The following SCAF11 variants were observed in gnomAD, a reference collection of about 807,000 sequenced individuals.
The protein encoded by SCAF11 is SR-related CTD associated factor 11.
In SCAF11, 47 loss-of-function variants were observed where a neutral mutation model predicts 140.5. The observed-to-expected ratio is 0.33, with a 90% CI of 0.26 to 0.43. SCAF11 has a LOEUF of 0.43. Ranked by LOEUF, SCAF11 falls within the 20% of genes least tolerant of loss-of-function variation. SCAF11 has a pLI of 1.00. For synonymous variants in SCAF11, 557 were observed against 579.4 expected, an observed-to-expected ratio of 0.96 and a Z score of 0.55; for missense variants, 1,645 against 1,705.1, an observed-to-expected ratio of 0.96 and a Z score of 0.62.
intron 6 of SCAF11, among the ~76,000 whole-genome samples, chr12:45,941,151 A>AC (rs1945291075): frequency 6.6e-6 from 1 of 152,230 alleles, no homozygotes; most frequent in South Asian, 2.1e-4. Context: ...CAAACTGTTC[A>AC]CCATTAAAAT....
chr12:45,951,831 G>A (rs961467798), intron 3 of SCAF11, 104 bp from the exon 4 acceptor site: 5 of 708,940 alleles, frequency 7.1e-6, no homozygotes, highest in Non-Finnish European at 1.1e-5. Context: ...CTCTATCTTC[G>A]AAAGAAAAAA....
At position 45,921,844 on chromosome 12, in the gene SCAF11, G is replaced by C; in HGVS notation, c.*204C>G. 2 of 539,626 alleles carry C rather than the reference G, an allele frequency of 3.7e-6. No individual in the cohort carries two copies. Among genetic ancestry groups the C allele is most frequent in the Non-Finnish European group, 6.4e-6 (2 of 312,804 alleles). 33.4% of individuals were successfully genotyped at this position (539,626 alleles called of 1,614,324 possible). A position where few individuals can be genotyped will look rare whatever the true frequency, so the allele number is the denominator to read the frequency against. On this transcript the variant is annotated 3_prime_UTR_variant, in exon 15 of 15. Transcript: ENST00000369367. The stretch of plus-strand genomic sequence containing the variant: ...CTTTACTTTCCCTTGAATTTTGTGG[G>C]GGAGGGTGGAGGGGAAGGAAGGATA...
intron 10 of SCAF11, chr12:45,931,025 G>C (rs747411137): frequency 1.3e-5 from 2 of 152,100 alleles, no homozygotes; most frequent in Non-Finnish European, 2.9e-5. Flanking sequence ...TTGATCTTTA[G>C]AACTTATTCT....
At chr12:45,967,321 A>G (rs1474717766) in intron 1 of SCAF11, among the ~76,000 whole-genome samples, 2 of 152,214 alleles carry the variant, frequency 1.3e-5, no homozygotes. Context: ...AGAAACCTCA[A>G]TCAAGTTACA....
Position 45,924,208 on chromosome 12 carries a change from A to C in SCAF11, c.3906+520T>G, listed in dbSNP as rs147594863. On this transcript the variant is annotated intron_variant, in intron 12 of 14. Transcript: ENST00000369367. ...CAACAAATTGTTTGCAAATTATTCA[A>C]ATTTTCTATGTCTCACAGAGGCACT... is the stretch of plus-strand genomic sequence containing the variant. Among the ~76,000 whole-genome samples the C allele has an allele frequency of 7.2e-3, 1,093 of 152,276 alleles. 10 individuals carry two copies. Among genetic ancestry groups the C allele is most frequent in the African/African-American group, 0.025 (1,036 of 41,552 alleles).
At position 45,972,965 on chromosome 12, in the gene SCAF11, TATATAG is replaced by T. The variant is rs1565689278; in HGVS notation, c.-21-8783_-21-8778del. Among the ~76,000 whole-genome samples the T allele has an allele frequency of 3.3e-5, 4 of 121,094 alleles. 1 individual carries two copies. The highest frequency in any genetic ancestry group is 1.2e-4 in the African/African-American group (4 of 32,196). The allele number at this position is 121,094 out of a possible 152,430, so 79.4% of individuals were successfully genotyped here. On this transcript the variant is annotated intron_variant, in intron 1 of 14. Coordinates refer to ENST00000369367, the MANE Select transcript of SCAF11 (RefSeq NM_004719.3). ...ATATATATATAGATATATAGATATA[TATATAG>T]ATATATAGATATATAGATATAGATA...
chr12:45,944,983 G>C, intron 6 of SCAF11: 1 of 428,520 alleles, frequency 2.3e-6, no homozygotes, highest in Admixed American at 4.6e-5. Context: ...GTATGAGCTG[G>C]TCAACACCAA....
intron 3 of SCAF11, among the ~76,000 whole-genome samples, chr12:45,958,333 G>A (rs1945747762): frequency 6.6e-6 from 1 of 152,138 alleles, no homozygotes; most frequent in East Asian, 1.9e-4. Context: ...CCTAAAGTAT[G>A]CAAACTCAGA....
Position 45,927,112 on chromosome 12 carries a change from C to G in SCAF11, c.2589G>C (p.Gln863His), listed in dbSNP as rs375603399. The change falls in exon 11 of 15, where the codon CAG becomes CAC. Residue 863 changes from glutamine (Q) to histidine (H), a missense_variant. Around this residue, in one of 2 missense-constraint regions of SCAF11, gnomAD observed 1,582 missense variants for 1,609.2 expected, o/e 0.98. Transcript: ENST00000369367. The part of the protein sequence containing the change: ...KDIARERRQS[Q>H]SRSPKRDTTR... ...TAGTATCCCTTTTTGGAGACCGAGA[C>G]TGAGATTGCCTCCTTTCTCTTGCAA... The G allele has an allele frequency of 6.2e-7, 1 of 1,614,146 alleles. No individual in the cohort carries two copies. Among genetic ancestry groups the G allele is most frequent in the Non-Finnish European group, 8.5e-7 (1 of 1,180,016 alleles).
intron 6 of SCAF11, among the ~76,000 whole-genome samples, chr12:45,940,076 C>T (rs1245253223): frequency 6.6e-6 from 1 of 152,130 alleles, no homozygotes; most frequent in Non-Finnish European, 1.5e-5. Flanking sequence ...TACAGGTTCT[C>T]TTAGTCTTCT....
chr12:45,937,126 C>T (rs917275180), intron 6 of SCAF11, among the ~76,000 whole-genome samples: 5 of 151,826 alleles, frequency 3.3e-5, no homozygotes, highest in Non-Finnish European at 7.4e-5. Flanking sequence ...AAAAAATTTC[C>T]TTTGTATTAC....
intron 1 of SCAF11, among the ~76,000 whole-genome samples, chr12:45,966,932 T>C (rs1225531027): frequency 6.6e-6 from 1 of 152,214 alleles, no homozygotes; most frequent in Non-Finnish European, 1.5e-5. Context: ...TAAAATGTCA[T>C]TTGAAAGTTA....
intron 1 of SCAF11, among the ~76,000 whole-genome samples, chr12:45,985,216 T>C (rs761057943): frequency 2.6e-5 from 4 of 152,216 alleles, no homozygotes; most frequent in Admixed American, 2.0e-4. Flanking sequence ...TCTTGTTTTC[T>C]CCATTACCAA....
rs755052918 is a variant in SCAF11 at position 45,927,618 on chromosome 12, T to C, written c.2083A>G (p.Thr695Ala). Residue 695 changes from threonine (T) to alanine (A), a missense_variant, in exon 11 of 15, where the codon ACA becomes GCA. By Grantham distance (58) the Thr-to-Ala change is moderately conservative. Coordinates refer to ENST00000369367, the MANE Select transcript of SCAF11 (RefSeq NM_004719.3). ...TCAATGTGTGTTTTAGGCAACTCTG[T>C]AGATCTAGGATGTTCGGTCAGCGAT... ...NESLTEHPRS[T>A]ELPKTHIEQI... 3 of 1,612,972 alleles carry C rather than the reference T, an allele frequency of 1.9e-6. No homozygotes were observed. Among genetic ancestry groups the C allele is most frequent in the Admixed American group, 1.7e-5 (1 of 59,984 alleles).
chr12:45,990,166 C>G (rs974998626), intron 1 of SCAF11, among the ~76,000 whole-genome samples, 187 bp downstream of exon 1: 3 of 152,122 alleles, frequency 2.0e-5, no homozygotes, highest in Non-Finnish European at 4.4e-5. Flanking sequence ...CAGCCTCCCC[C>G]ACTTCGAGAG....
At chr12:45,941,984 C>T (rs768968060) in intron 6 of SCAF11, among the ~76,000 whole-genome samples, 15 of 152,188 alleles carry the variant, frequency 9.9e-5, no homozygotes, top group South Asian at 2.1e-4. Context: ...GGACAAAGAC[C>T]TTTATGATGA....
In SCAF11 at chr12:45,928,082, T is replaced by C. The variant is rs1273204603; in HGVS notation, c.1619A>G (p.Asp540Gly). The change falls in exon 11 of 15, where the codon GAT (aspartate) becomes GGT (glycine). Residue 540 changes from aspartate (D) to glycine (G), a missense_variant. Physicochemically the swap from Asp to Gly is moderately conservative, Grantham distance 94. This residue lies in a region of SCAF11 where 1,582 missense variants were observed against 1,609.2 expected (regional missense o/e 0.98). Transcript: ENST00000369367. ...ATTTGGAAGATGAACTGTACATACA[T>C]CTGTCTTTACCTCTGATTGTGAAAG... ...SGLSQSEVKT[D>G]VCTVHLPNDF... The C allele has an allele frequency of 7.4e-6, 12 of 1,613,862 alleles. No homozygotes were observed. Among genetic ancestry groups the C allele is most frequent in the Non-Finnish European group, 1.0e-5 (12 of 1,179,984 alleles).
At chr12:45,985,436 A>G (rs920505177) in intron 1 of SCAF11, among the ~76,000 whole-genome samples, 1 of 152,062 alleles carries the variant, frequency 6.6e-6, no homozygotes, top group Non-Finnish European at 1.5e-5. Context: ...TGAAGATTTT[A>G]CCATTCTGTT....
rs763409842 is a variant in SCAF11 at position 45,927,031 on chromosome 12, C to G, written c.2670G>C (p.Glu890Asp). 5.6e-6 allele frequency: 9 copies of G among 1,613,946 alleles called. No homozygotes were observed. Among genetic ancestry groups the G allele is most frequent in the Non-Finnish European group, 7.6e-6 (9 of 1,180,010 alleles). Residue 890 changes from glutamate to aspartate, a missense_variant, in exon 11 of 15, where the codon GAG becomes GAC. By Grantham distance (45) the Glu-to-Asp change is conservative. This residue lies in a region of SCAF11 where 1,582 missense variants were observed against 1,609.2 expected (regional missense o/e 0.98). Coordinates refer to ENST00000369367, the MANE Select transcript of SCAF11 (RefSeq NM_004719.3). Reference protein sequence around the residue: ...SLSPRRETSRENKRSQPRVKD... With the variant: ...SLSPRRETSRDNKRSQPRVKD... The stretch of plus-strand genomic sequence containing the variant: ...TCACTCTTGGCTGAGATCTTTTGTT[C>G]TCTCTAGAAGTTTCTCTTCTTGGGG...
Sources: allele counts gnomAD v4.1 joint callset (sites outside exome capture counted in the v4.1 genomes callset), GRCh38; gene constraint gnomAD v4.1.1; regional missense constraint gnomAD v4.1.1; transcripts MANE v1.5; gene names NCBI Gene and HGNC (gene_info 2026-07-23, HGNC 2026-07-21).